The following IQCM variants were observed in gnomAD, a reference collection of about 807,000 sequenced individuals.
The protein encoded by IQCM is IQ domain-containing protein M.
IQCM carries 45 observed loss-of-function variants against 57.6 expected under a neutral mutation model. That is an observed-to-expected ratio of 0.78 (90% CI 0.62 to 1.00). The LOEUF (loss-of-function observed/expected upper bound fraction) is 1.00. Among genes scored for constraint, IQCM ranks in the 50% least tolerant of loss-of-function variants. IQCM has a pLI of 0.00. For missense variants in IQCM, 468 were observed against 511.6 expected, an observed-to-expected ratio of 0.91 and a Z score of 0.82; for synonymous variants, 148 against 158.9, an observed-to-expected ratio of 0.93 and a Z score of 0.51.
At chr4:149,635,469 A>C (rs1204090688) in intron 7 of IQCM, among the ~76,000 whole-genome samples, 1 of 152,192 alleles carries the variant, frequency 6.6e-6, no homozygotes, top group Admixed American at 6.5e-5. Flanking sequence ...ATATTTGTCA[A>C]TTATTTCTAT....
At chr4:149,682,022 A>G (rs1762215548) in intron 7 of IQCM, 96 bp downstream of exon 7, 1 of 449,226 alleles carries the variant, frequency 2.2e-6, no homozygotes, top group South Asian at 1.2e-4. Flanking sequence ...AAAGGAAATA[A>G]CTCTGTTCAA....
At chr4:149,519,234 CTG>C (rs1745329099) in intron 12 of IQCM, among the ~76,000 whole-genome samples, 1 of 152,096 alleles carries the variant, frequency 6.6e-6, no homozygotes, top group South Asian at 2.1e-4. Context: ...GAGTGTTTGA[CTG>C]TACCATTTTG....
At chr4:149,746,279 C>A (rs1180583306) in intron 2 of IQCM, among the ~76,000 whole-genome samples, 1 of 152,116 alleles carries the variant, frequency 6.6e-6, no homozygotes, top group Non-Finnish European at 1.5e-5. Flanking sequence ...TTGCTCAAGC[C>A]ATAAATCTTT....
At chr4:149,395,628 T>C (rs542393943) in intron 13 of IQCM, among the ~76,000 whole-genome samples, 1 of 152,112 alleles carries the variant, frequency 6.6e-6, no homozygotes, top group East Asian at 1.9e-4. Flanking sequence ...TGACATGTGG[T>C]TGTCTTTGCC....
At chr4:149,501,945 A>G (rs951490995) in intron 12 of IQCM, among the ~76,000 whole-genome samples, 1 of 152,076 alleles carries the variant, frequency 6.6e-6, no homozygotes, top group African/African-American at 2.4e-5. Flanking sequence ...TTAAGAAGAA[A>G]ATTCTCTATA....
chr4:149,609,104 T>C (rs532296723), intron 8 of IQCM, among the ~76,000 whole-genome samples: 76 of 151,866 alleles, frequency 5.0e-4, no homozygotes, highest in Non-Finnish European at 8.0e-4. Context: ...TTAGAGATTA[T>C]AATTAGCAAC....
At chr4:149,634,407 T>C (rs530936137) in intron 7 of IQCM, among the ~76,000 whole-genome samples, 2 of 152,224 alleles carry the variant, frequency 1.3e-5, no homozygotes, top group Non-Finnish European at 2.9e-5. Context: ...CCCATTGCCT[T>C]GTATTGTAGA....
Position 149,503,329 on chromosome 4 carries a change from T to A in IQCM, c.1228+45126A>T, listed in dbSNP as rs188716468. On this transcript the variant is annotated intron_variant, in intron 12 of 13. Coordinates refer to ENST00000636793, the MANE Select transcript of IQCM (RefSeq NM_001363507.2). ...CATATCTAAAGAGCTTACTAAAAAC[T>A]GAGAAAATTAGTGCAGAAAATAACA... Among the ~76,000 whole-genome samples the A allele has an allele frequency of 1.1e-4, 16 of 152,258 alleles. No homozygotes were observed. In the East Asian group the frequency reaches 2.7e-3, roughly 26 times the overall value.
chr4:149,592,518 A>T (rs1475942896), intron 8 of IQCM, among the ~76,000 whole-genome samples: 3 of 152,046 alleles, frequency 2.0e-5, no homozygotes, highest in East Asian at 3.9e-4. Context: ...TGTTTTAGAC[A>T]TGAAGTCCTT....
intron 2 of IQCM, among the ~76,000 whole-genome samples, chr4:149,786,995 G>C (rs1772135649): frequency 6.6e-6 from 1 of 152,154 alleles, no homozygotes; most frequent in South Asian, 2.1e-4. Context: ...ATACTAGGCA[G>C]CCATAAAAAG....
intron 13 of IQCM, among the ~76,000 whole-genome samples, chr4:149,357,352 G>A (rs1280559679): frequency 6.6e-6 from 1 of 152,126 alleles, no homozygotes; most frequent in African/African-American, 2.4e-5. Flanking sequence ...TCCAGTTTTT[G>A]TCCATTCAGT....
intron 7 of IQCM, among the ~76,000 whole-genome samples, chr4:149,631,703 T>G (rs2150094698): frequency 6.6e-6 from 1 of 152,350 alleles, no homozygotes; most frequent in African/African-American, 2.4e-5. Flanking sequence ...TATTCTCTTA[T>G]TTCTGAATGG....
rs183573721 is a variant in IQCM at position 149,533,502 on chromosome 4, C to G, written c.1228+14953G>C. ...AAGTAGATAGCCTATTTGTATTGGA[C>G]TGTTCTCACGCTGCTGACAAAGACA... On this transcript the variant is annotated intron_variant, in intron 12 of 13. Transcript: ENST00000636793. Among the ~76,000 whole-genome samples, 858 of 152,142 alleles carry G rather than the reference C, an allele frequency of 5.6e-3. 6 individuals carry two copies. The highest frequency in any genetic ancestry group is 0.031 in the Middle Eastern group (9 of 294).
chr4:149,438,707 A>T (rs888441706), intron 12 of IQCM, among the ~76,000 whole-genome samples: 13 of 152,126 alleles, frequency 8.5e-5, no homozygotes, highest in African/African-American at 3.1e-4. Context: ...AAGCAGCCCC[A>T]TTCTTAAATT....
intron 2 of IQCM, among the ~76,000 whole-genome samples, chr4:149,772,356 T>A (rs1770664925): frequency 6.6e-6 from 1 of 152,132 alleles, no homozygotes; most frequent in South Asian, 2.1e-4. Flanking sequence ...GTACAAAATG[T>A]GTATATAGTA....
At chr4:149,511,010 T>G (rs1004535219) in intron 12 of IQCM, among the ~76,000 whole-genome samples, 4 of 152,222 alleles carry the variant, frequency 2.6e-5, no homozygotes, top group Non-Finnish European at 4.4e-5. Flanking sequence ...CTTTTGAGTT[T>G]CTTTCCTAAA....
intron 13 of IQCM, among the ~76,000 whole-genome samples, chr4:149,364,597 C>T (rs1451565687): frequency 6.6e-6 from 1 of 151,990 alleles, no homozygotes; most frequent in African/African-American, 2.4e-5. Flanking sequence ...AGGATGTCTG[C>T]ACCAGATGAA....
intron 7 of IQCM, among the ~76,000 whole-genome samples, chr4:149,651,081 C>T (rs533595816): frequency 6.6e-6 from 1 of 152,190 alleles, no homozygotes; most frequent in South Asian, 2.1e-4. Flanking sequence ...TGCATGAGAA[C>T]AAACTTCCTA....
chr4:149,641,809 T>C (rs1472142961), intron 7 of IQCM, among the ~76,000 whole-genome samples: 1 of 152,186 alleles, frequency 6.6e-6, no homozygotes. Context: ...GGTCATCAAT[T>C]ATTAACTCCA....
Sources: gnomAD v4.1 joint callset for allele counts (sites outside exome capture counted in the v4.1 genomes callset) on GRCh38, gnomAD v4.1.1 for gene constraint, MANE v1.5 for transcripts, NCBI Gene and HGNC (gene_info 2026-07-23, HGNC 2026-07-21) for gene names.